RAP1GAP2: variants seen among roughly 807,000 people sequenced by gnomAD.
The protein encoded by RAP1GAP2 is RAP1 GTPase activating protein 2.
Under a neutral mutation model 95.0 loss-of-function variants are expected in RAP1GAP2, and 27 were observed. The ratio of observed to expected loss-of-function variants is 0.28; its 90% CI spans 0.21 to 0.39. The LOEUF (loss-of-function observed/expected upper bound fraction) is 0.39. Among genes scored for constraint, RAP1GAP2 ranks in the 10% least tolerant of loss-of-function variants. The probability of loss-of-function intolerance (pLI) is 1.00; values close to 1 mark genes in which losing one functional copy is unlikely to be tolerated. For missense variants in RAP1GAP2, 771 were observed against 970.0 expected, an observed-to-expected ratio of 0.79 and a Z score of 2.72; for synonymous variants, 373 against 380.9, an observed-to-expected ratio of 0.98 and a Z score of 0.24.
At chr17:2,769,460 C>T (rs556229826) in intron 1 of RAP1GAP2, among the ~76,000 whole-genome samples, 44 of 151,250 alleles carry the variant, frequency 2.9e-4, no homozygotes, top group Admixed American at 5.9e-4. Context: ...GAGGCTGAGG[C>T]GGGAGAATGG....
intron 2 of RAP1GAP2, among the ~76,000 whole-genome samples, chr17:2,838,669 C>T (rs773636840): frequency 4.5e-4 from 69 of 152,090 alleles, no homozygotes; most frequent in Non-Finnish European, 7.6e-4. Context: ...GATGAATTGG[C>T]GCAGTGATTC....
chr17:2,920,034 G>A (rs1230264538), intron 3 of RAP1GAP2, among the ~76,000 whole-genome samples: 1 of 140,744 alleles, frequency 7.1e-6, no homozygotes. Context: ...TTTGAGACAG[G>A]TTCTCTGTCG....
chr17:2,922,997 G>A (rs938364297), intron 3 of RAP1GAP2, among the ~76,000 whole-genome samples: 1 of 150,798 alleles, frequency 6.6e-6, no homozygotes, highest in African/African-American at 2.4e-5. Flanking sequence ...TCCTGCCTCA[G>A]CTGGAGTAGC....
intron 3 of RAP1GAP2, among the ~76,000 whole-genome samples, chr17:2,916,358 A>G (rs2042567490): frequency 6.6e-6 from 1 of 152,202 alleles, no homozygotes; most frequent in South Asian, 2.1e-4. Context: ...GTGGTCTCAG[A>G]ATCCTGTTCA....
chr17:2,775,122 G>A (rs576342586), upstream of RAP1GAP2, among the ~76,000 whole-genome samples: 26 of 148,426 alleles, frequency 1.8e-4, no homozygotes, highest in African/African-American at 6.2e-4. Flanking sequence ...GTGAGGCACC[G>A]CGCCCGGCCA....
intron 8 of RAP1GAP2, among the ~76,000 whole-genome samples, chr17:2,967,422 C>T (rs945049893): frequency 6.6e-6 from 1 of 152,082 alleles, no homozygotes; most frequent in Non-Finnish European, 1.5e-5. Context: ...AAAGCAATGT[C>T]GTATGGGAAT....
intron 2 of RAP1GAP2, among the ~76,000 whole-genome samples, chr17:2,900,595 C>G (rs995274578): frequency 1.4e-4 from 22 of 152,184 alleles, no homozygotes; most frequent in Admixed American, 1.2e-3. Context: ...GCACCCGCCA[C>G]CACGCCTGGC....
At chr17:2,923,364 C>T (rs2042855824) in intron 3 of RAP1GAP2, among the ~76,000 whole-genome samples, 1 of 142,958 alleles carries the variant, frequency 7.0e-6, no homozygotes, top group African/African-American at 2.6e-5. Context: ...CAGAGTCTCG[C>T]TCTGTTGCCC....
In RAP1GAP2 at chr17:2,904,377, G is replaced by A. The variant is rs1257826732; in HGVS notation, c.81-907G>A. Among the ~76,000 whole-genome samples, 1 of 152,182 alleles carries A rather than the reference G, an allele frequency of 6.6e-6. No homozygotes were observed. Among genetic ancestry groups the A allele is most frequent in the Non-Finnish European group, 1.5e-5 (1 of 68,034 alleles). ...CAGATGGAAAGTGGGGAGTGTGTGA[G>A]CGCGGCAAACTTGTCGCAGTCATGT... On this transcript the variant is annotated intron_variant, in intron 2 of 24. Coordinates refer to ENST00000254695, the MANE Select transcript of RAP1GAP2 (RefSeq NM_015085.5). The surrounding 1 kb of genome is among the most constrained non-coding windows in gnomAD (Gnocchi z 4.7).
Position 3,026,101 on chromosome 17 carries a change from A to G in RAP1GAP2, c.1845A>G (p.Glu615=). ...CCTCATCCAATCCCAGCTCTCCGGA[A>G]ATCTGCCCCAACAAGGAGAAGTAAG... ...SETSSNPSSP[E]ICPNKEKPFM... Residue 615 remains glutamate (E), a synonymous_variant, in exon 20 of 25, where the codon GAA becomes GAG. Transcript: ENST00000254695. 6.2e-7 allele frequency: 1 copy of G among 1,610,840 alleles called. No individual in the cohort carries two copies. The highest frequency in any genetic ancestry group is 8.5e-7 in the Non-Finnish European group (1 of 1,177,052).
chr17:2,881,215 C>G (rs778817203), intron 2 of RAP1GAP2, among the ~76,000 whole-genome samples: 10 of 151,014 alleles, frequency 6.6e-5, no homozygotes, highest in Admixed American at 5.3e-4. Flanking sequence ...GAGCCGAGAT[C>G]GTGCCACTGC....
chr17:3,032,258 G>A (rs1302954580), intron 23 of RAP1GAP2, among the ~76,000 whole-genome samples, 153 bp from the exon 24 acceptor site: 1 of 152,096 alleles, frequency 6.6e-6, no homozygotes, highest in African/African-American at 2.4e-5. Flanking sequence ...AGAACTCCAG[G>A]TCCAGATGTG....
intron 2 of RAP1GAP2, among the ~76,000 whole-genome samples, chr17:2,829,887 A>G (rs764316703): frequency 1.1e-3 from 160 of 151,014 alleles, no homozygotes; most frequent in African/African-American, 3.0e-3. Flanking sequence ...CCTGGCTTCA[A>G]GAGATCCTTC....
chr17:2,933,437 T>C (rs1337721440), intron 3 of RAP1GAP2, among the ~76,000 whole-genome samples: 1 of 152,138 alleles, frequency 6.6e-6, no homozygotes, highest in Non-Finnish European at 1.5e-5. Context: ...GCGGAGCCCA[T>C]GGGGCTTTGC....
At chr17:2,806,343 C>G (rs185437966) in intron 2 of RAP1GAP2, among the ~76,000 whole-genome samples, 1 of 149,328 alleles carries the variant, frequency 6.7e-6, no homozygotes, top group East Asian at 2.0e-4. Flanking sequence ...TTGCCACAGC[C>G]AGGAAGCTTG....
At chr17:2,880,113 G>A (rs1457177485) in intron 2 of RAP1GAP2, among the ~76,000 whole-genome samples, 2 of 152,164 alleles carry the variant, frequency 1.3e-5, no homozygotes, top group South Asian at 2.1e-4. Flanking sequence ...CAGAGAGCAC[G>A]GGGACTGATG....
chr17:2,789,781 GA>G (rs35791780), intron 1 of RAP1GAP2, among the ~76,000 whole-genome samples: 6,053 of 71,802 alleles, frequency 0.084, 160 homozygotes, highest in South Asian at 0.27. Context: ...GACTCCATCT[GA>G]AAAAAAAAAA....
chr17:2,995,230 C>T lies in RAP1GAP2; in HGVS notation c.915-107C>T, dbSNP rs77950959. The T allele has an allele frequency of 1.0e-2, 13,800 of 1,383,104 alleles. 889 individuals carry two copies. In the African/African-American group the frequency reaches 0.15, roughly 15 times the overall value. 85.7% of individuals were successfully genotyped at this position (1,383,104 alleles called of 1,614,324 possible). ...TGCTCTGCCCTCAGCTCTCCTGTCT[C>T]CTCTGCTGCGTATCCTCTGCTGCGT... On this transcript the variant is annotated intron_variant, in intron 12 of 24. Transcript: ENST00000254695.
Position 2,903,439 on chromosome 17 carries a change from G to A in RAP1GAP2, c.81-1845G>A, listed in dbSNP as rs2042090005. ...TAATGTCCAAGGCCGTACATAGAAG[G>A]AGGCTGGCAGCTCTAGCTGAGAGGT... On this transcript the variant is annotated intron_variant, in intron 2 of 24. Coordinates refer to ENST00000254695, the MANE Select transcript of RAP1GAP2 (RefSeq NM_015085.5). The surrounding 1 kb of genome is among the most constrained non-coding windows in gnomAD (Gnocchi z 4.1). Among the ~76,000 whole-genome samples the A allele has an allele frequency of 6.6e-6, 1 of 152,196 alleles. No homozygotes were observed. Among genetic ancestry groups the A allele is most frequent in the African/African-American group, 2.4e-5 (1 of 41,446 alleles).
Sources: allele counts gnomAD v4.1 joint callset (sites outside exome capture counted in the v4.1 genomes callset), GRCh38; gene constraint gnomAD v4.1.1; non-coding constraint Gnocchi (gnomAD v3.1); transcripts MANE v1.5; gene names NCBI Gene and HGNC (gene_info 2026-07-23, HGNC 2026-07-21).